The following TAPT1 variants were observed in gnomAD, a reference collection of about 807,000 sequenced individuals.
TAPT1 encodes transmembrane anterior posterior transformation 1.
TAPT1 carries 28 observed loss-of-function variants against 65.6 expected under a neutral mutation model. The ratio of observed to expected loss-of-function variants is 0.43; its 90% CI spans 0.32 to 0.59. The LOEUF (loss-of-function observed/expected upper bound fraction) is 0.59, where lower values mean the gene tolerates loss of function less well. Among genes scored for constraint, TAPT1 ranks in the 20% least tolerant of loss-of-function variants. TAPT1 has a pLI of 0.09. For synonymous variants in TAPT1, 278 were observed against 245.2 expected, an observed-to-expected ratio of 1.13 and a Z score of -1.25; for missense variants, 563 against 679.9, an observed-to-expected ratio of 0.83 and a Z score of 1.91.
intron 11 of TAPT1, 28 bp downstream of exon 11, chr4:16,174,176 C>G (rs1396193719): frequency 6.5e-7 from 1 of 1,529,942 alleles, no homozygotes; most frequent in African/African-American, 1.4e-5. Context: ...TACTTTGTTA[C>G]AAAAAACATT....
intron 7 of TAPT1, among the ~76,000 whole-genome samples, chr4:16,180,046 T>TGG (rs1560160268): frequency 6.6e-6 from 1 of 152,144 alleles, no homozygotes; most frequent in Admixed American, 6.5e-5. Flanking sequence ...TGAAAGACTT[T>TGG]GGGTAACAAA....
At chr4:16,208,377 T>C (rs569072184) in intron 2 of TAPT1, among the ~76,000 whole-genome samples, 1 of 152,218 alleles carries the variant, frequency 6.6e-6, no homozygotes, top group African/African-American at 2.4e-5. Flanking sequence ...TAACATTCAC[T>C]GTCCTAGCCT....
intron 7 of TAPT1, among the ~76,000 whole-genome samples, chr4:16,182,556 G>C (rs1016086308): frequency 5.9e-5 from 9 of 152,190 alleles, no homozygotes; most frequent in Admixed American, 1.3e-4. Flanking sequence ...TATAAAATGA[G>C]TGACTATTTC....
In TAPT1 at chr4:16,162,944, T is replaced by C; in HGVS notation, c.*364A>G. 4.4e-6 allele frequency: 2 copies of C among 452,342 alleles called. No homozygotes were observed. Among genetic ancestry groups the C allele is most frequent in the South Asian group, 3.1e-5 (2 of 63,544 alleles). 28.0% of individuals were successfully genotyped at this position (452,342 alleles called of 1,614,324 possible). On this transcript the variant is annotated 3_prime_UTR_variant, in exon 14 of 14. Coordinates refer to ENST00000405303, the MANE Select transcript of TAPT1 (RefSeq NM_153365.3). ...AAAAGTTTCACAGTTTTCCAGGTAT[T>C]TCCTTATACTGAAGAGGCCTTGAGG...
intron 5 of TAPT1, among the ~76,000 whole-genome samples, chr4:16,187,450 T>C (rs2149688238): frequency 6.6e-6 from 1 of 152,336 alleles, no homozygotes; most frequent in Non-Finnish European, 1.5e-5. Flanking sequence ...TTGTATTACA[T>C]ACAGAATAGT....
At chr4:16,200,774 A>G (rs749760061) in intron 3 of TAPT1, among the ~76,000 whole-genome samples, 1 of 152,226 alleles carries the variant, frequency 6.6e-6, no homozygotes, top group Non-Finnish European at 1.5e-5. Context: ...CTAAAATGCC[A>G]TGATATCATG....
chr4:16,213,066 G>A (rs566001918), intron 2 of TAPT1, among the ~76,000 whole-genome samples: 1 of 152,326 alleles, frequency 6.6e-6, no homozygotes, highest in East Asian at 1.9e-4. Flanking sequence ...CGTTACTACA[G>A]AAGTATGAAA....
At chr4:16,225,810 G>T in intron 1 of TAPT1, 1 of 882,604 alleles carries the variant, frequency 1.1e-6, no homozygotes, top group Middle Eastern at 5.8e-4. Context: ...AAATCTACTT[G>T]CAGGGCAAGT....
At chr4:16,189,615 C>T (rs568272309) in intron 4 of TAPT1, among the ~76,000 whole-genome samples, 2 of 152,122 alleles carry the variant, frequency 1.3e-5, no homozygotes, top group Non-Finnish European at 2.9e-5. Flanking sequence ...TAACTATGTC[C>T]AGGATAACAG....
chr4:16,218,609 C>T (rs528432333), intron 1 of TAPT1, among the ~76,000 whole-genome samples: 3 of 152,206 alleles, frequency 2.0e-5, no homozygotes, highest in South Asian at 2.1e-4. Flanking sequence ...TCAATTTCAC[C>T]GAAAAGAAAA....
At chr4:16,226,204 T>C in intron 1 of TAPT1, 55 bp downstream of exon 1, 1 of 1,089,166 alleles carries the variant, frequency 9.2e-7, no homozygotes, top group Non-Finnish European at 1.1e-6. Context: ...CCCGCCGCCC[T>C]CGGTCCCCAG....
intron 12 of TAPT1, among the ~76,000 whole-genome samples, chr4:16,170,330 T>C (rs1005707157): frequency 1.3e-5 from 2 of 152,240 alleles, no homozygotes; most frequent in Non-Finnish European, 2.9e-5. Context: ...GGGTCAAAGA[T>C]GTTTTTAAAT....
Position 16,202,547 on chromosome 4 carries a change from C to T in TAPT1, c.364G>A (p.Ala122Thr), listed in dbSNP as rs1310756420. Residue 122 changes from alanine (A) to threonine (T), a missense_variant, in exon 3 of 14, where the codon GCG becomes ACG. By Grantham distance (58) the Ala-to-Thr change is moderately conservative (BLOSUM62 0). Around this residue, in one of 5 missense-constraint regions of TAPT1, gnomAD observed 217 missense variants for 317.5 expected, o/e 0.68. Coordinates refer to ENST00000405303, the MANE Select transcript of TAPT1 (RefSeq NM_153365.3). ...MVFGIFLCLD[A>T]FLYVFTLLPL... ...AGCAGGGTGAACACATACAAAAACG[C>T]ATCCAGGCACAGAAAGATTCCAAAA... is the stretch of plus-strand genomic sequence containing the variant. The T allele has an allele frequency of 6.5e-7, 1 of 1,547,952 alleles. No homozygotes were observed. The highest frequency in any genetic ancestry group is 2.0e-5 in the Admixed American group (1 of 50,646).
chr4:16,207,825 A>G (rs1750435023), intron 2 of TAPT1, among the ~76,000 whole-genome samples: 1 of 152,244 alleles, frequency 6.6e-6, no homozygotes, highest in Non-Finnish European at 1.5e-5. Context: ...AATTTGCTAC[A>G]TTGGTAAGAA....
chr4:16,179,880 A>G (rs1032712818), intron 7 of TAPT1, among the ~76,000 whole-genome samples: 1 of 151,806 alleles, frequency 6.6e-6, no homozygotes, highest in East Asian at 1.9e-4. Context: ...TGCCAACATA[A>G]TTCTAGTATG....
At chr4:16,179,393 G>A (rs1578425206) in intron 8 of TAPT1, 184 bp downstream of exon 8, 9 of 474,146 alleles carry the variant, frequency 1.9e-5, no homozygotes, top group South Asian at 1.8e-4. Context: ...GACCACCATC[G>A]TATATGTGGT....
Position 16,213,762 on chromosome 4 carries a change from T to C in TAPT1, c.330+6A>G, listed in dbSNP as rs1750773354. Reference sequence around the variant, plus strand: ...ATGATGTCTGGTAATGAAGAAAAAATAGTACCTTTTCCAATTCTCTTGGTA... The same window carrying C: ...ATGATGTCTGGTAATGAAGAAAAAACAGTACCTTTTCCAATTCTCTTGGTA... On this transcript the variant is annotated splice_donor_region_variant and intron_variant, in intron 2 of 13. Coordinates refer to ENST00000405303, the MANE Select transcript of TAPT1 (RefSeq NM_153365.3). 1 of 1,552,672 alleles carries C rather than the reference T, an allele frequency of 6.4e-7. No individual in the cohort carries two copies. The highest frequency in any genetic ancestry group is 1.4e-5 in the African/African-American group (1 of 70,044).
At chr4:16,200,868 A>G (rs895748549) in intron 3 of TAPT1, among the ~76,000 whole-genome samples, 1 of 152,214 alleles carries the variant, frequency 6.6e-6, no homozygotes, top group Non-Finnish European at 1.5e-5. Context: ...AATGCCTTTA[A>G]AAAGGCTTGT....
At chr4:16,170,331 G>A (rs142172512) in intron 12 of TAPT1, among the ~76,000 whole-genome samples, 31 of 152,328 alleles carry the variant, frequency 2.0e-4, no homozygotes, top group African/African-American at 6.5e-4. Flanking sequence ...GGTCAAAGAT[G>A]TTTTTAAATA....
Sources: allele counts gnomAD v4.1 joint callset (sites outside exome capture counted in the v4.1 genomes callset), GRCh38; gene constraint gnomAD v4.1.1; regional missense constraint gnomAD v4.1.1; transcripts MANE v1.5; gene names NCBI Gene and HGNC (gene_info 2026-07-23, HGNC 2026-07-21).